ABCB5: variants seen among roughly 807,000 people sequenced by gnomAD.
ABCB5 encodes the protein ATP-binding cassette sub-family B member 5.
A neutral mutation model predicts 144.2 loss-of-function variants in ABCB5; 155 were observed. That is an observed-to-expected ratio of 1.08 (90% confidence interval 0.94 to 1.23). ABCB5 has a LOEUF of 1.23. Among genes scored for constraint, ABCB5 ranks in the 50% most tolerant of loss-of-function variants. The probability of loss-of-function intolerance (pLI) is 0.00; values close to 1 mark genes in which losing one functional copy is unlikely to be tolerated. For synonymous variants in ABCB5, 610 were observed against 528.6 expected, an observed-to-expected ratio of 1.15 and a Z score of -2.11; for missense variants, 1,830 against 1,520.8, an observed-to-expected ratio of 1.20 and a Z score of -3.38.
Position 20,723,035 on chromosome 7 carries a change from G to C in ABCB5, c.2441G>C (p.Gly814Ala), listed in dbSNP as rs1486643794. 3.1e-6 allele frequency: 5 copies of C among 1,613,854 alleles called. No homozygotes were observed. The highest frequency in any genetic ancestry group is 4.2e-6 in the Non-Finnish European group (5 of 1,180,004). Reference protein sequence around the residue: ...QIQGATGSRIGVLTQNATNMG... With the variant: ...QIQGATGSRIAVLTQNATNMG... ...TTATAGGCAACAGGTTCCAGGATTG[G>C]CGTCTTAACACAAAATGCAACTAAC... Residue 814 changes from glycine (G) to alanine (A), a missense_variant, in exon 21 of 28, where the codon GGC (glycine) becomes GCC (alanine). By Grantham distance (60) the Gly-to-Ala change is moderately conservative (BLOSUM62 0). Transcript: ENST00000404938.
chr7:20,667,727 C>T (rs536450484), intron 14 of ABCB5, among the ~76,000 whole-genome samples: 7 of 138,644 alleles, frequency 5.0e-5, no homozygotes, highest in African/African-American at 1.8e-4. Context: ...CTGCCCCTGC[C>T]CCTGCCTCTG....
At chr7:20,692,079 T>C (rs1362511748) in intron 16 of ABCB5, among the ~76,000 whole-genome samples, 1 of 152,088 alleles carries the variant, frequency 6.6e-6, no homozygotes, top group Non-Finnish European at 1.5e-5. Context: ...ATTGAAGAAA[T>C]AATGCTTTAA....
At position 20,643,324 on chromosome 7, in the gene ABCB5, T is replaced by G. The variant is rs570793675; in HGVS notation, c.455T>G (p.Ile152Ser). The change falls in exon 6 of 28, where the codon ATC (isoleucine) becomes AGC (serine). Residue 152 changes from isoleucine to serine, a missense_variant. Coordinates refer to ENST00000404938, the MANE Select transcript of ABCB5 (RefSeq NM_001163941.2). ...QFFHSVLAQDIGWFDSCDIGE... is the reference protein window; with the variant it reads ...QFFHSVLAQDSGWFDSCDIGE... ...TTTCATTCAGTTTTGGCACAGGACATCGGCTGGTTTGATAGCTGTGACATC... is the reference window on the plus strand; with the variant it reads ...TTTCATTCAGTTTTGGCACAGGACAGCGGCTGGTTTGATAGCTGTGACATC... The G allele has an allele frequency of 8.1e-6, 13 of 1,613,968 alleles. No individual in the cohort carries two copies. The South Asian group carries it at 9.9e-5, about 12-fold the overall frequency.
chr7:20,749,954 T>C (rs1293081155), intron 26 of ABCB5, among the ~76,000 whole-genome samples: 4 of 152,240 alleles, frequency 2.6e-5, no homozygotes, highest in Non-Finnish European at 4.4e-5. Context: ...GAATAGAGTA[T>C]ATAAAGCTAT....
intron 5 of ABCB5, among the ~76,000 whole-genome samples, chr7:20,637,861 C>T (rs1314486476): frequency 6.6e-6 from 1 of 152,160 alleles, no homozygotes; most frequent in African/African-American, 2.4e-5. Context: ...ATAGTAAGTG[C>T]TCAATAAATG....
chr7:20,628,943 T>C, intron 4 of ABCB5, 105 bp downstream of exon 4: 1 of 1,310,642 alleles, frequency 7.6e-7, no homozygotes, highest in Non-Finnish European at 1.0e-6. Flanking sequence ...TAAAACAGTA[T>C]CTGTATAATA....
chr7:20,728,899 A>G (rs1782124050), intron 23 of ABCB5, among the ~76,000 whole-genome samples: 1 of 152,142 alleles, frequency 6.6e-6, no homozygotes, highest in Non-Finnish European at 1.5e-5. Context: ...ATTTTTTTTA[A>G]GTTGGAATTT....
intron 12 of ABCB5, 126 bp downstream of exon 12, chr7:20,650,273 T>C: frequency 4.8e-6 from 6 of 1,245,012 alleles, no homozygotes; most frequent in Non-Finnish European, 6.5e-6. Context: ...TTGTTTTCTT[T>C]CCTTTGTATC....
At position 20,630,945 on chromosome 7, in the gene ABCB5, G is replaced by C. The variant is rs572640810; in HGVS notation, c.260-1114G>C. 2.0e-5 allele frequency among the ~76,000 whole-genome samples: 3 copies of C among 152,256 alleles called. No individual in the cohort carries two copies. The South Asian group carries it at 6.2e-4, about 32-fold the overall frequency. On this transcript the variant is annotated intron_variant, in intron 4 of 27. Transcript: ENST00000404938. Reference sequence around the variant, plus strand: ...CAATAATGATTTACATAAATTCATGGATATTACTGGTATATTATAACACAT... The same window carrying C: ...CAATAATGATTTACATAAATTCATGCATATTACTGGTATATTATAACACAT...
At chr7:20,660,490 C>T (rs11764057) in intron 14 of ABCB5, 63,727 of 831,566 alleles carry the variant, frequency 0.077, 3,005 homozygotes, top group South Asian at 0.18. Flanking sequence ...ATCATATACT[C>T]TTCAGTTTAT....
At chr7:20,748,038 C>T (rs117166663) in intron 26 of ABCB5, among the ~76,000 whole-genome samples, 9 of 152,212 alleles carry the variant, frequency 5.9e-5, no homozygotes, top group Middle Eastern at 3.4e-3. Context: ...CTGTAACTAC[C>T]GCATTTTACA....
At position 20,745,343 on chromosome 7, in the gene ABCB5, G is replaced by T. The variant is rs749029178; in HGVS notation, c.3334G>T (p.Ala1112Ser). ...LFNCSIAENI[A>S]YGDNSRVVPL... is the part of the protein sequence containing the mutation. ...CAACTGCAGCATTGCTGAGAACATC[G>T]CCTATGGTGACAACAGCCGTGTGGT... Residue 1112 changes from alanine (A) to serine (S), a missense_variant, in exon 26 of 28, where the codon GCC (alanine) becomes TCC (serine). Coordinates refer to ENST00000404938, the MANE Select transcript of ABCB5 (RefSeq NM_001163941.2). 1 of 1,614,076 alleles carries T rather than the reference G, an allele frequency of 6.2e-7. No homozygotes were observed. Among genetic ancestry groups the T allele is most frequent in the Non-Finnish European group, 8.5e-7 (1 of 1,179,988 alleles).
intron 4 of ABCB5, among the ~76,000 whole-genome samples, chr7:20,630,878 G>T (rs1262860634): frequency 6.6e-6 from 1 of 152,160 alleles, no homozygotes; most frequent in African/African-American, 2.4e-5. Context: ...GGCTTCGCCA[G>T]TTTCCTGGTT....
At chr7:20,688,066 G>A (rs1031277177) in intron 16 of ABCB5, among the ~76,000 whole-genome samples, 4 of 152,000 alleles carry the variant, frequency 2.6e-5, no homozygotes, top group Non-Finnish European at 5.9e-5. Context: ...GATGGCACAT[G>A]CCTGTAATCC....
At chr7:20,694,833 A>T (rs753021954) in intron 16 of ABCB5, among the ~76,000 whole-genome samples, 8 of 152,074 alleles carry the variant, frequency 5.3e-5, no homozygotes, top group Non-Finnish European at 8.8e-5. Flanking sequence ...TAAAAAAATA[A>T]TTTTATGTAC....
chr7:20,650,283 C>A (rs1784542245), intron 12 of ABCB5, 136 bp downstream of exon 12: 4 of 1,167,164 alleles, frequency 3.4e-6, no homozygotes, highest in Non-Finnish European at 4.6e-6. Context: ...TCCTTTGTAT[C>A]CATTCACTCA....
At chr7:20,658,320 T>C (rs1784879100) in intron 13 of ABCB5, among the ~76,000 whole-genome samples, 186 bp from the exon 14 acceptor site, 1 of 143,430 alleles carries the variant, frequency 7.0e-6, no homozygotes, top group Admixed American at 7.0e-5. Flanking sequence ...CCTCTCTTCT[T>C]TGGGCTCTTT....
rs894539100 is a variant in ABCB5 at position 20,646,616 on chromosome 7, G to A, written c.981+478G>A. Among the ~76,000 whole-genome samples the A allele has an allele frequency of 6.6e-5, 10 of 152,322 alleles. No homozygotes were observed. The East Asian group carries it at 1.9e-3, about 29-fold the overall frequency. On this transcript the variant is annotated intron_variant, in intron 9 of 27. Coordinates refer to ENST00000404938, the MANE Select transcript of ABCB5 (RefSeq NM_001163941.2). ...AACAGACTACATATAGCTCTGTCCA[G>A]TATCACAGTTTGGAGACTTTTAAAT... is the stretch of plus-strand genomic sequence containing the variant.
At chr7:20,751,657 G>A (rs778709242) in intron 26 of ABCB5, among the ~76,000 whole-genome samples, 35 of 152,060 alleles carry the variant, frequency 2.3e-4, no homozygotes, top group Non-Finnish European at 4.0e-4. Context: ...AAAGGGCTAC[G>A]AGCTCATTAT....
Sources: allele counts gnomAD v4.1 joint callset (sites outside exome capture counted in the v4.1 genomes callset), GRCh38; gene constraint gnomAD v4.1.1; transcripts MANE v1.5; gene names NCBI Gene and HGNC (gene_info 2026-07-23, HGNC 2026-07-21).